The following BRWD1 variants were observed in gnomAD, a reference collection of about 807,000 sequenced individuals.
The protein encoded by BRWD1 is bromodomain and WD repeat-containing protein 1.
BRWD1 carries 82 observed loss-of-function variants against 251.2 expected under a neutral mutation model. That is an observed-to-expected ratio of 0.33 (90% CI 0.27 to 0.39). The LOEUF is 0.39. Ranked by LOEUF, BRWD1 falls within the 10% of genes least tolerant of loss-of-function variation. The pLI is 1.00. For missense variants in BRWD1, 2,233 were observed against 2,711.6 expected, an observed-to-expected ratio of 0.82 and a Z score of 3.92; for synonymous variants, 918 against 902.8, an observed-to-expected ratio of 1.02 and a Z score of -0.30.
intron 4 of BRWD1, among the ~76,000 whole-genome samples, chr21:39,301,978 G>GTTTTTTTTTTTTTT (rs750413248): frequency 1.3e-5 from 1 of 79,866 alleles, no homozygotes; most frequent in Non-Finnish European, 2.2e-5. Flanking sequence ...AGCTTTGTGT[G>GTTTTTTTTTTTTTT]TTTTTTTTTT....
intron 18 of BRWD1, among the ~76,000 whole-genome samples, chr21:39,257,807 T>C (rs1601400892): frequency 1.3e-5 from 2 of 152,268 alleles, no homozygotes; most frequent in Middle Eastern, 6.8e-3. Flanking sequence ...AATGTGTGTG[T>C]GCACACATAC....
At position 39,191,616 on chromosome 21, in the gene BRWD1, A is replaced by G. The variant is rs541503448; in HGVS notation, c.*4643T>C. The G allele has an allele frequency of 7.1e-4, 696 of 984,786 alleles. No individual in the cohort carries two copies. The highest frequency in any genetic ancestry group is 8.0e-4 in the Non-Finnish European group (667 of 829,516). The allele number at this position is 984,786 out of a possible 1,614,324, so 61.0% of individuals were successfully genotyped here. A position where few individuals can be genotyped will look rare whatever the true frequency, so the allele number is the denominator to read the frequency against. On this transcript the variant is annotated 3_prime_UTR_variant, in exon 41 of 41. Transcript: ENST00000342449. ...ATATATAGTTGCAGTCCAAGGACTG[A>G]TTCACATTTAGAAAATTAACTTGAA...
At chr21:39,305,513 G>A (rs891999797) in intron 4 of BRWD1, among the ~76,000 whole-genome samples, 2 of 151,988 alleles carry the variant, frequency 1.3e-5, no homozygotes, top group African/African-American at 4.8e-5. Context: ...GATCACCTGA[G>A]GTCAGGAGTT....
At chr21:39,296,173 T>A in intron 6 of BRWD1, 92 bp downstream of exon 6, 2 of 1,047,480 alleles carry the variant, frequency 1.9e-6, no homozygotes, top group Non-Finnish European at 2.7e-6. Context: ...TCAACCAGTA[T>A]TTCCTTTTAA....
intron 4 of BRWD1, among the ~76,000 whole-genome samples, chr21:39,299,772 C>G (rs1568969407): frequency 6.6e-6 from 1 of 150,760 alleles, no homozygotes; most frequent in Non-Finnish European, 1.5e-5. Flanking sequence ...GTCAAGAGCT[C>G]GAGACCAGCC....
chr21:39,282,000 A>G (rs975339319), intron 8 of BRWD1, among the ~76,000 whole-genome samples: 2 of 151,310 alleles, frequency 1.3e-5, no homozygotes, highest in Admixed American at 1.3e-4. Context: ...ATGTATATAT[A>G]CACATATGTC....
chr21:39,235,859 A>ATG (rs1482688533), intron 23 of BRWD1: 2 of 166,578 alleles, frequency 1.2e-5, no homozygotes, highest in Non-Finnish European at 2.7e-5. Context: ...CCATCTCCAG[A>ATG]TGTGTGGAGA....
chr21:39,215,190 A>G (rs1445457851), intron 32 of BRWD1, 47 bp downstream of exon 32: 1 of 1,587,968 alleles, frequency 6.3e-7, no homozygotes, highest in African/African-American at 1.3e-5. Context: ...GATTGTTAAT[A>G]GCACAATATG....
In BRWD1 at chr21:39,313,431, C is replaced by T. The variant is rs1316436715; in HGVS notation, c.49+12G>A. On this transcript the variant is annotated intron_variant, in intron 1 of 40. Transcript: ENST00000342449. ...AGCGCCAGGGCGGGGGTGGCACGGC[C>T]TCGCGTCTTACCCGACTCGATGAGA... 1 of 1,427,190 alleles carries T rather than the reference C, an allele frequency of 7.0e-7. No individual in the cohort carries two copies. The highest frequency in any genetic ancestry group is 9.1e-7 in the Non-Finnish European group (1 of 1,093,640). 88.4% of individuals were successfully genotyped at this position (1,427,190 alleles called of 1,614,324 possible). A position where few individuals can be genotyped will look rare whatever the true frequency, so the allele number is the denominator to read the frequency against.
At chr21:39,218,059 C>T in intron 31 of BRWD1, 93 bp downstream of exon 31, 9 of 1,304,104 alleles carry the variant, frequency 6.9e-6, no homozygotes, top group Non-Finnish European at 9.2e-6. Flanking sequence ...GCTAATCAGC[C>T]CCCAATTCTA....
At chr21:39,275,490 C>A (rs1031738090) in intron 12 of BRWD1, among the ~76,000 whole-genome samples, 16 of 152,008 alleles carry the variant, frequency 1.1e-4, no homozygotes, top group African/African-American at 3.9e-4. Flanking sequence ...CAACCCCTGC[C>A]CTAGACACTT....
intron 36 of BRWD1, 51 bp from the exon 37 acceptor site, chr21:39,206,325 T>C: frequency 7.6e-7 from 1 of 1,317,582 alleles, no homozygotes; most frequent in Non-Finnish European, 1.0e-6. Flanking sequence ...TTAAAAGTAC[T>C]TAAGAAATAA....
chr21:39,317,544 A>G (rs1156800757), upstream of BRWD1, among the ~76,000 whole-genome samples: 1 of 152,240 alleles, frequency 6.6e-6, no homozygotes, highest in South Asian at 2.1e-4. Context: ...AGTAGACAGT[A>G]TTATCTTAGA....
At chr21:39,244,993 TAATAA>T (rs1476040410) in intron 21 of BRWD1, among the ~76,000 whole-genome samples, 2 of 142,302 alleles carry the variant, frequency 1.4e-5, no homozygotes, top group Non-Finnish European at 3.1e-5. Flanking sequence ...AAATGACAGA[TAATAA>T]AATAATTATT....
rs1216614549 is a variant in BRWD1 at position 39,187,283 on chromosome 21, T to C, written c.*8976A>G. On this transcript the variant is annotated 3_prime_UTR_variant, in exon 41 of 41. Coordinates refer to ENST00000342449, the MANE Select transcript of BRWD1 (RefSeq NM_033656.4). ...ATCTTTATTTTATTTGCAGCAACAG[T>C]AGCACATCTGCGGGGAACTTTCTCA... The C allele has an allele frequency of 1.1e-5, 18 of 1,614,018 alleles. No homozygotes were observed. The highest frequency in any genetic ancestry group is 1.7e-5 in the Admixed American group (1 of 60,014).
chr21:39,292,213 A>G (rs1601477789), intron 8 of BRWD1, among the ~76,000 whole-genome samples: 1 of 149,496 alleles, frequency 6.7e-6, no homozygotes, highest in African/African-American at 2.5e-5. Flanking sequence ...CAGCCTCCCT[A>G]AAGTGCTGGG....
At chr21:39,301,575 C>G (rs960080517) in intron 4 of BRWD1, among the ~76,000 whole-genome samples, 18 of 152,306 alleles carry the variant, frequency 1.2e-4, no homozygotes, top group African/African-American at 3.8e-4. Context: ...AACCCCAGTT[C>G]TGCCAATATT....
At position 39,197,267 on chromosome 21, in the gene BRWD1, C is replaced by A; in HGVS notation, c.5802G>T (p.Thr1934=). The part of the protein sequence containing the change: ...LLRITRRCAA[T]AANKIKLMSD... ...TCATGAGCTTGATCTTATTGGCAGC[C>A]GTAGCTGCACATCTTCGAGTAATCC... is the stretch of plus-strand genomic sequence containing the variant. The change falls in exon 41 of 41, where the codon ACG becomes ACT. Residue 1934 remains threonine, a synonymous_variant. Coordinates refer to ENST00000342449, the MANE Select transcript of BRWD1 (RefSeq NM_033656.4). The A allele has an allele frequency of 1.9e-6, 3 of 1,614,034 alleles. No homozygotes were observed. The highest frequency in any genetic ancestry group is 2.5e-6 in the Non-Finnish European group (3 of 1,179,950).
chr21:39,241,149 T>C (rs1039956186), intron 21 of BRWD1, among the ~76,000 whole-genome samples: 2 of 151,518 alleles, frequency 1.3e-5, no homozygotes, highest in South Asian at 2.1e-4. Flanking sequence ...TCTGTGTATG[T>C]AGAATTAAAC....
Sources: gnomAD v4.1 joint callset for allele counts (sites outside exome capture counted in the v4.1 genomes callset) on GRCh38, gnomAD v4.1.1 for gene constraint, MANE v1.5 for transcripts, NCBI Gene and HGNC (gene_info 2026-07-23, HGNC 2026-07-21) for gene names.